The following MRPS7 variants were observed in gnomAD, a reference collection of about 807,000 sequenced individuals.
The protein encoded by MRPS7 is small ribosomal subunit protein uS7m.
Under a neutral mutation model 26.2 loss-of-function variants are expected in MRPS7, and 13 were observed. The ratio of observed to expected loss-of-function variants is 0.50; its 90% CI spans 0.32 to 0.79. The LOEUF (loss-of-function observed/expected upper bound fraction) is 0.79, where lower values mean the gene tolerates loss of function less well. Ranked by LOEUF, MRPS7 falls within the 30% of genes least tolerant of loss-of-function variation. The pLI is 0.03. For synonymous variants in MRPS7, 129 were observed against 113.3 expected (o/e 1.14, Z -0.88); for missense variants, 318 against 312.2 (o/e 1.02, Z -0.14).
At position 75,265,768 on chromosome 17, in the gene MRPS7, C is replaced by T. The variant is rs769364430; in HGVS notation, c.574C>T (p.Arg192Trp). The T allele has an allele frequency of 8.6e-5, 138 of 1,614,032 alleles. No individual in the cohort carries two copies. The highest frequency in any genetic ancestry group is 1.1e-4 in the Non-Finnish European group (126 of 1,180,048). The change falls in exon 5 of 5, where the codon CGG becomes TGG. Residue 192 changes from arginine (R) to tryptophan (W), a missense_variant. Transcript: ENST00000245539. Reference protein sequence around the residue: ...LAMKWMITECRDKKHQRTLMP... With the variant: ...LAMKWMITECWDKKHQRTLMP... ...CATGAAGTGGATGATCACTGAGTGC[C>T]GGGATAAAAAGCACCAGCGGACACT... is the stretch of plus-strand genomic sequence containing the variant.
chr17:75,262,054 G>C, intron 1 of MRPS7, 71 bp downstream of exon 1: 1 of 1,548,042 alleles, frequency 6.5e-7, no homozygotes, highest in Non-Finnish European at 8.8e-7. Context: ...GGCCGCGTGG[G>C]CCCCTAGAGA....
intron 4 of MRPS7, among the ~76,000 whole-genome samples, chr17:75,265,401 C>G (rs1003443738): frequency 2.0e-5 from 3 of 151,950 alleles, no homozygotes; most frequent in Admixed American, 6.6e-5. Flanking sequence ...TCTTGAACTC[C>G]TGGGCTCAAG....
chr17:75,262,782 C>G, intron 2 of MRPS7, 22 bp from the exon 3 acceptor site: 1 of 1,613,968 alleles, frequency 6.2e-7, no homozygotes, highest in Non-Finnish European at 8.5e-7. Context: ...GAGAGCTAAA[C>G]GTGTTGCTTT....
intron 1 of MRPS7, chr17:75,262,281 C>T (rs1567815205): frequency 1.5e-6 from 1 of 656,178 alleles, no homozygotes. Context: ...CCCATCCTTA[C>T]CGTTAGCACT....
At position 75,262,518 on chromosome 17, in the gene MRPS7, C is replaced by T; in HGVS notation, c.105C>T (p.Ser35=). 1 of 1,614,042 alleles carries T rather than the reference C, an allele frequency of 6.2e-7. No individual in the cohort carries two copies. The highest frequency in any genetic ancestry group is 1.3e-5 in the African/African-American group (1 of 75,044). ...QLPGLTQVRW[S]RYSPEFKDPL... is the part of the protein sequence containing the mutation. ...CCAGGCTAACTCAGGTGAGATGGAG[C>T]CGCTATAGTCCTGAATTCAAGGATC... Residue 35 remains serine (S), a synonymous_variant, in exon 2 of 5, where the codon AGC becomes AGT. Transcript: ENST00000245539.
chr17:75,264,854 AT>A (rs1164245143), intron 4 of MRPS7, among the ~76,000 whole-genome samples: 9 of 149,528 alleles, frequency 6.0e-5, no homozygotes, highest in African/African-American at 2.2e-4. Context: ...TGCCCAGCTA[AT>A]TTTTTTGTAT....
At position 75,262,633 on chromosome 17, in the gene MRPS7, A is replaced by T; in HGVS notation, c.220A>T (p.Ile74Phe). The T allele has an allele frequency of 1.2e-6, 2 of 1,613,722 alleles. No homozygotes were observed. Among genetic ancestry groups the T allele is most frequent in the Non-Finnish European group, 1.7e-6 (2 of 1,179,640 alleles). The change falls in exon 2 of 5, where the codon ATC becomes TTC. Residue 74 changes from isoleucine (I) to phenylalanine (F), a missense_variant. Physicochemically the swap from Ile to Phe is conservative, Grantham distance 21. Transcript: ENST00000245539. ...TCGGGAGCTCAAGAAGACTCAGCTC[A>T]TCAAAGCTGCTCCAGCAGGGAAAAC... ...YVRELKKTQLIKAAPAGKTSS... is the reference protein window; with the variant it reads ...YVRELKKTQLFKAAPAGKTSS...
intron 3 of MRPS7, chr17:75,263,084 A>C: frequency 1.6e-6 from 1 of 634,654 alleles, no homozygotes; most frequent in African/African-American, 1.9e-5. Flanking sequence ...AAAAAAAAGG[A>C]ACAAATAAAA....
chr17:75,262,686 C>T lies in MRPS7; in HGVS notation c.273C>T (p.Ile91=), dbSNP rs374714264. ...KTSSVFEDPV[I]SKFTNMMMIG... ...GTTCTGTGTTTGAAGACCCAGTCATCAGGTTAGATGGAAACAAACACTTGT... is the reference window on the plus strand; with the variant it reads ...GTTCTGTGTTTGAAGACCCAGTCATTAGGTTAGATGGAAACAAACACTTGT... Residue 91 remains isoleucine, a splice_region_variant and synonymous_variant, in exon 2 of 5, where the codon ATC becomes ATT. Coordinates refer to ENST00000245539, the MANE Select transcript of MRPS7 (RefSeq NM_015971.4). 1 of 1,614,138 alleles carries T rather than the reference C, an allele frequency of 6.2e-7. No individual in the cohort carries two copies.
At chr17:75,263,115 C>T in intron 3 of MRPS7, 1 of 627,094 alleles carries the variant, frequency 1.6e-6, no homozygotes, top group Non-Finnish European at 2.7e-6. Flanking sequence ...CTGCCATTCC[C>T]CACCTCACCC....
chr17:75,262,895 C>G (rs541739030), intron 3 of MRPS7, 28 bp downstream of exon 3: 4 of 1,609,044 alleles, frequency 2.5e-6, no homozygotes, highest in Non-Finnish European at 3.4e-6. Context: ...CCTCAGTCAT[C>G]TTTCTTGCCC....
At chr17:75,262,088 T>C in intron 1 of MRPS7, 105 bp downstream of exon 1, 1 of 1,342,764 alleles carries the variant, frequency 7.4e-7, no homozygotes, top group South Asian at 1.2e-5. Context: ...GGGGCCGGAG[T>C]ATCTGGATTC....
At chr17:75,262,122 C>A (rs776823262) in intron 1 of MRPS7, 139 bp downstream of exon 1, 87 of 1,027,242 alleles carry the variant, frequency 8.5e-5, no homozygotes, top group Non-Finnish European at 1.2e-4. Flanking sequence ...AGCTGCGTGA[C>A]CCTGCGCCAA....
At position 75,262,001 on chromosome 17, in the gene MRPS7, AGCG is replaced by A. The variant is rs201250761; in HGVS notation, c.83+23_83+25del. 2.4e-5 allele frequency: 36 copies of A among 1,485,726 alleles called. No homozygotes were observed. Among genetic ancestry groups the A allele is most frequent in the East Asian group, 2.0e-4 (8 of 40,196 alleles). 92.0% of individuals were successfully genotyped at this position (1,485,726 alleles called of 1,614,324 possible). A position where few individuals can be genotyped will look rare whatever the true frequency, so the allele number is the denominator to read the frequency against. ...CTTCCAGGGTGAGAGGGTGGCGAGCAGCGGCGGGGGGGCGCTGCGAGGAAGGAA... is the reference window on the plus strand; with the variant it reads ...CTTCCAGGGTGAGAGGGTGGCGAGCAGCGGGGGGGCGCTGCGAGGAAGGAA... On this transcript the variant is annotated intron_variant, in intron 1 of 4. Transcript: ENST00000245539.
Position 75,266,344 on chromosome 17 carries a change from TAC to T in MRPS7, c.*423_*424del. 1 of 362,372 alleles carries T rather than the reference TAC, an allele frequency of 2.8e-6. No homozygotes were observed. The highest frequency in any genetic ancestry group is 6.3e-5 in the East Asian group (1 of 15,958). The allele number at this position is 362,372 out of a possible 1,614,324, so 22.4% of individuals were successfully genotyped here. A position where few individuals can be genotyped will look rare whatever the true frequency, so the allele number is the denominator to read the frequency against. On this transcript the variant is annotated 3_prime_UTR_variant, in exon 5 of 5. Transcript: ENST00000245539. ...AGGCTTGTTTCCAGAGTTGTCCTTA[TAC>T]AAAATGTATAAAAAGCAGTTTCTGG...
At chr17:75,263,738 A>G in intron 4 of MRPS7, 1 of 542,974 alleles carries the variant, frequency 1.8e-6, no homozygotes. Flanking sequence ...AAAATTAGCC[A>G]GGTGTGGTGG....
chr17:75,266,183 C>G lies in MRPS7; in HGVS notation c.*260C>G. ...TCCAGGAAACTCAGGGCTGTTTTCT[C>G]TTCCCTTAGGTTGGGGCGGACCTTT... is the stretch of plus-strand genomic sequence containing the variant. On this transcript the variant is annotated 3_prime_UTR_variant, in exon 5 of 5. Coordinates refer to ENST00000245539, the MANE Select transcript of MRPS7 (RefSeq NM_015971.4). 1.9e-6 allele frequency: 1 copy of G among 534,004 alleles called. No individual in the cohort carries two copies. The highest frequency in any genetic ancestry group is 3.4e-6 in the Non-Finnish European group (1 of 297,396). 33.1% of individuals were successfully genotyped at this position (534,004 alleles called of 1,614,324 possible). A position where few individuals can be genotyped will look rare whatever the true frequency, so the allele number is the denominator to read the frequency against.
chr17:75,263,898 A>AAAAC (rs386386621), intron 4 of MRPS7: 1 of 155,188 alleles, frequency 6.4e-6, no homozygotes, highest in East Asian at 1.9e-4. Flanking sequence ...AAAAAAAAAA[A>AAAAC]AACGGCTGGG....
In MRPS7 at chr17:75,262,873, C is replaced by T; in HGVS notation, c.339+6C>T. 6.2e-7 allele frequency: 1 copy of T among 1,613,630 alleles called. No homozygotes were observed. The highest frequency in any genetic ancestry group is 1.1e-5 in the South Asian group (1 of 91,056). On this transcript the variant is annotated splice_donor_region_variant and intron_variant, in intron 3 of 4. Coordinates refer to ENST00000245539, the MANE Select transcript of MRPS7 (RefSeq NM_015971.4). ...CCAGATCCCTCATGATTCAGGTAAA[C>T]AGCACTTCCCTCCTCAGTCATCTTT...
Sources: gnomAD v4.1 joint callset for allele counts (sites outside exome capture counted in the v4.1 genomes callset) on GRCh38, gnomAD v4.1.1 for gene constraint, MANE v1.5 for transcripts, NCBI Gene and HGNC (gene_info 2026-07-23, HGNC 2026-07-21) for gene names.